VEZT: variants seen among roughly 807,000 people sequenced by gnomAD.
VEZT encodes vezatin, adherens junctions transmembrane protein, also known as vezatin.
VEZT carries 39 observed loss-of-function variants against 79.9 expected under a neutral mutation model. That is an observed-to-expected ratio of 0.49 (90% CI 0.38 to 0.64). The LOEUF is 0.64. Ranked by LOEUF, VEZT falls within the 30% of genes least tolerant of loss-of-function variation. The probability of loss-of-function intolerance (pLI) is 0.00; values close to 1 mark genes in which losing one functional copy is unlikely to be tolerated. For missense variants in VEZT, 837 were observed against 893.1 expected, an observed-to-expected ratio of 0.94 and a Z score of 0.80; for synonymous variants, 325 against 327.6, an observed-to-expected ratio of 0.99 and a Z score of 0.09.
intron 1 of VEZT, among the ~76,000 whole-genome samples, chr12:95,239,811 G>A (rs2060646513): frequency 1.3e-5 from 2 of 152,124 alleles, no homozygotes; most frequent in South Asian, 4.2e-4. Context: ...AATTAGCCAG[G>A]TGTGGTGGCA....
intron 1 of VEZT, among the ~76,000 whole-genome samples, chr12:95,228,247 G>T (rs1280101972): frequency 6.6e-6 from 1 of 152,108 alleles, no homozygotes; most frequent in Non-Finnish European, 1.5e-5. Flanking sequence ...TTAAAAGGAA[G>T]TTTTAAAAAA....
At chr12:95,230,487 A>T (rs1446477690) in intron 1 of VEZT, among the ~76,000 whole-genome samples, 1 of 148,520 alleles carries the variant, frequency 6.7e-6, no homozygotes, top group Non-Finnish European at 1.5e-5. Flanking sequence ...TTGCAATCAT[A>T]GCTCACTGCA....
chr12:95,264,899 G>A (rs180961736), intron 4 of VEZT, among the ~76,000 whole-genome samples: 70 of 131,838 alleles, frequency 5.3e-4, no homozygotes, highest in South Asian at 9.7e-4. Context: ...TTGAGACAAG[G>A]TCCTGCTTTG....
chr12:95,269,340 G>T (rs529821292), intron 5 of VEZT, among the ~76,000 whole-genome samples: 22 of 152,232 alleles, frequency 1.4e-4, no homozygotes, highest in Non-Finnish European at 2.9e-4. Flanking sequence ...GAACAGCTTT[G>T]AGAGTAGCTA....
chr12:95,259,191 G>GT (rs71078691), intron 3 of VEZT, among the ~76,000 whole-genome samples: 117 of 147,656 alleles, frequency 7.9e-4, no homozygotes, highest in Middle Eastern at 7.0e-3. Flanking sequence ...AATACTTTCT[G>GT]TTTTTTTTTT....
chr12:95,219,689 G>A (rs2057276793), intron 1 of VEZT, among the ~76,000 whole-genome samples: 2 of 152,120 alleles, frequency 1.3e-5, no homozygotes, highest in Non-Finnish European at 2.9e-5. Flanking sequence ...GAACTAGTGG[G>A]TGAAAGAATA....
intron 8 of VEZT, among the ~76,000 whole-genome samples, chr12:95,286,035 C>G (rs905941886): frequency 7.1e-6 from 1 of 140,244 alleles, no homozygotes; most frequent in Admixed American, 7.4e-5. Context: ...CTCTGTTGCC[C>G]AGGCTGGAGT....
intron 9 of VEZT, chr12:95,293,711 G>A (rs1266328289): frequency 6.5e-6 from 1 of 154,386 alleles, no homozygotes; most frequent in Non-Finnish European, 1.4e-5. Flanking sequence ...GTGTGTACCA[G>A]ATACTGTGAA....
chr12:95,226,980 G>A (rs1215153618), intron 1 of VEZT, among the ~76,000 whole-genome samples: 1 of 152,108 alleles, frequency 6.6e-6, no homozygotes, highest in Admixed American at 6.5e-5. Flanking sequence ...GGACCTCTCA[G>A]GCTAAACAGC....
chr12:95,240,761 G>T (rs1460200699), intron 1 of VEZT, among the ~76,000 whole-genome samples: 1 of 152,070 alleles, frequency 6.6e-6, no homozygotes, highest in Non-Finnish European at 1.5e-5. Flanking sequence ...TTCCATTTTG[G>T]TCATTGCTTT....
intron 3 of VEZT, among the ~76,000 whole-genome samples, chr12:95,261,626 G>C (rs182132277): frequency 6.6e-6 from 1 of 152,168 alleles, no homozygotes; most frequent in Non-Finnish European, 1.5e-5. Flanking sequence ...GGCCAGGCTG[G>C]TCTCGAAATC....
chr12:95,290,377 T>C (rs1227127515), intron 9 of VEZT, among the ~76,000 whole-genome samples: 1 of 152,208 alleles, frequency 6.6e-6, no homozygotes, highest in East Asian at 1.9e-4. Flanking sequence ...ATTTTGTTTA[T>C]AAACTAAAAC....
Position 95,300,516 on chromosome 12 carries a change from G to A in VEZT, c.2183G>A (p.Arg728Gln), listed in dbSNP as rs751542290. The change falls in exon 12 of 12, where the codon CGG (arginine) becomes CAG (glutamine). Residue 728 changes from arginine (R) to glutamine (Q), a missense_variant. Arg to Gln is a conservative substitution (Grantham distance 43). Coordinates refer to ENST00000436874, the MANE Select transcript of VEZT (RefSeq NM_017599.4). Reference protein sequence around the residue: ...LQPSIKQRLARLQLSPDFTFT... With the variant: ...LQPSIKQRLAQLQLSPDFTFT... ...CCCTCCATTAAGCAGAGGCTGGCAC[G>A]GCTACAGCTGTCACCAGATTTTACC... The A allele has an allele frequency of 1.1e-5, 18 of 1,613,738 alleles. No individual in the cohort carries two copies. The highest frequency in any genetic ancestry group is 4.0e-5 in the African/African-American group (3 of 74,892).
At chr12:95,286,253 A>G (rs936962608) in intron 8 of VEZT, 28 of 290,676 alleles carry the variant, frequency 9.6e-5, no homozygotes, top group Admixed American at 2.5e-4. Flanking sequence ...TGGCCTCCCA[A>G]AGTGCTGGGA....
chr12:95,225,128 A>G (rs2058230715), intron 1 of VEZT, among the ~76,000 whole-genome samples: 1 of 152,232 alleles, frequency 6.6e-6, no homozygotes, highest in Non-Finnish European at 1.5e-5. Flanking sequence ...CTGTTAATGC[A>G]GTAAACAGGA....
At chr12:95,281,663 G>A (rs966272881) in intron 7 of VEZT, among the ~76,000 whole-genome samples, 1 of 150,936 alleles carries the variant, frequency 6.6e-6, no homozygotes, top group African/African-American at 2.4e-5. Context: ...TTCCTGCCTC[G>A]GCCTCCGAAG....
At chr12:95,250,101 C>A (rs1593401079) in intron 1 of VEZT, among the ~76,000 whole-genome samples, 1 of 145,860 alleles carries the variant, frequency 6.9e-6, no homozygotes, top group African/African-American at 2.6e-5. Flanking sequence ...TTTTAGGGTA[C>A]ATGTGCACAA....
intron 1 of VEZT, among the ~76,000 whole-genome samples, chr12:95,232,378 C>T (rs2059385626): frequency 6.6e-6 from 1 of 152,148 alleles, no homozygotes; most frequent in African/African-American, 2.4e-5. Flanking sequence ...AGAGAAATTA[C>T]AAGTTGGTAC....
chr12:95,252,951 G>T (rs1034376064), intron 2 of VEZT, among the ~76,000 whole-genome samples: 2 of 151,924 alleles, frequency 1.3e-5, no homozygotes, highest in Non-Finnish European at 2.9e-5. Context: ...GGCAACAAGA[G>T]CAAAACTGTG....
Sources: gnomAD v4.1 joint callset for allele counts (sites outside exome capture counted in the v4.1 genomes callset) on GRCh38, gnomAD v4.1.1 for gene constraint, MANE v1.5 for transcripts, NCBI Gene and HGNC (gene_info 2026-07-23, HGNC 2026-07-21) for gene names.